The following KANSL1L variants were observed in gnomAD, a reference collection of about 807,000 sequenced individuals.
KANSL1L encodes KAT8 regulatory NSL complex subunit 1 like, also known as KAT8 regulatory NSL complex subunit 1-like protein.
KANSL1L carries 25 observed loss-of-function variants against 108.6 expected under a neutral mutation model. The observed-to-expected ratio is 0.23, with a 90% CI of 0.17 to 0.32. The LOEUF is 0.32. Ranked by LOEUF, KANSL1L falls within the 10% of genes least tolerant of loss-of-function variation. KANSL1L has a pLI of 1.00. For synonymous variants in KANSL1L, 405 were observed against 395.1 expected (o/e 1.03, Z -0.30); for missense variants, 1,137 against 1,125.7 (o/e 1.01, Z -0.14).
chr2:210,085,787 T>C (rs1226282181), intron 5 of KANSL1L, among the ~76,000 whole-genome samples: 2 of 151,506 alleles, frequency 1.3e-5, no homozygotes, highest in South Asian at 4.1e-4. Flanking sequence ...TTTTGTATAG[T>C]TACATGATAT....
rs1352933188 is a variant in KANSL1L at position 210,153,743 on chromosome 2, T to A, written c.840A>T (p.Thr280=). The A allele has an allele frequency of 6.2e-7, 1 of 1,607,866 alleles. No individual in the cohort carries two copies. The highest frequency in any genetic ancestry group is 1.3e-5 in the African/African-American group (1 of 74,612). ...PKMKTFHEPT[T]ILGNSLPKCT... ...ATTTAGGTAAACTATTACCCAAAATTGTGGTAGGTTCATGAAATGTCTTCA... is the reference window on the plus strand; with the variant it reads ...ATTTAGGTAAACTATTACCCAAAATAGTGGTAGGTTCATGAAATGTCTTCA... The change falls in exon 2 of 15, where the codon ACA becomes ACT. Residue 280 remains threonine (T), a synonymous_variant. Coordinates refer to ENST00000281772, the MANE Select transcript of KANSL1L (RefSeq NM_152519.4).
rs1190233205 is a variant in KANSL1L at position 210,022,410 on chromosome 2, A to G, written c.*539T>C. On this transcript the variant is annotated 3_prime_UTR_variant, in exon 15 of 15. Coordinates refer to ENST00000281772, the MANE Select transcript of KANSL1L (RefSeq NM_152519.4). ...TTATCTATTCTGCAGCTTACATTTC[A>G]TAGGGTAGTTCATACATGCATTTCC... is the stretch of plus-strand genomic sequence containing the variant. The G allele has an allele frequency of 6.5e-6, 1 of 153,252 alleles. No individual in the cohort carries two copies. Among genetic ancestry groups the G allele is most frequent in the Non-Finnish European group, 1.5e-5 (1 of 68,572 alleles). 9.5% of individuals were successfully genotyped at this position (153,252 alleles called of 1,614,324 possible). A position where few individuals can be genotyped will look rare whatever the true frequency, so the allele number is the denominator to read the frequency against.
chr2:210,084,619 T>TC lies in KANSL1L; in HGVS notation c.1551-8864dup, dbSNP rs1491388313. On this transcript the variant is annotated intron_variant, in intron 5 of 14. Coordinates refer to ENST00000281772, the MANE Select transcript of KANSL1L (RefSeq NM_152519.4). ...GCAATATAGTGATTTCTTTTTTTTTTCTCTCTCTTTTTTGAGACACAGTCT... is the reference window on the plus strand; with the variant it reads ...GCAATATAGTGATTTCTTTTTTTTTTCCTCTCTCTTTTTTGAGACACAGTCT... Among the ~76,000 whole-genome samples, 9 of 151,726 alleles carry TC rather than the reference T, an allele frequency of 5.9e-5. No homozygotes were observed. In the Admixed American group the frequency reaches 5.9e-4, roughly 10 times the overall value.
chr2:210,142,721 T>A (rs1402543997), intron 2 of KANSL1L, among the ~76,000 whole-genome samples: 1 of 152,150 alleles, frequency 6.6e-6, no homozygotes, highest in East Asian at 1.9e-4. Flanking sequence ...TAGTCATTAA[T>A]CCATTGGCTT....
chr2:210,117,892 G>A (rs916627978), intron 3 of KANSL1L, among the ~76,000 whole-genome samples: 8 of 152,146 alleles, frequency 5.3e-5, no homozygotes, highest in African/African-American at 1.2e-4. Flanking sequence ...GGCCAGGCAC[G>A]ACGGCTCATG....
chr2:210,061,100 T>C (rs967603019), intron 6 of KANSL1L, among the ~76,000 whole-genome samples: 15 of 152,358 alleles, frequency 9.8e-5, no homozygotes, highest in African/African-American at 3.6e-4. Flanking sequence ...ATCTAAGTGA[T>C]TGAATACACT....
At chr2:210,046,602 T>C (rs1390929710) in intron 6 of KANSL1L, among the ~76,000 whole-genome samples, 1 of 152,028 alleles carries the variant, frequency 6.6e-6, no homozygotes, top group Non-Finnish European at 1.5e-5. Context: ...CAGAATAACC[T>C]TCTTCTGCTT....
At chr2:210,038,806 G>C (rs1342510705) in intron 8 of KANSL1L, among the ~76,000 whole-genome samples, 2 of 151,830 alleles carry the variant, frequency 1.3e-5, no homozygotes. Context: ...TTGAATTCTG[G>C]CTCTTTTATT....
At chr2:210,152,170 T>G (rs2095308321) in intron 2 of KANSL1L, 1 of 152,204 alleles carries the variant, frequency 6.6e-6, no homozygotes, top group South Asian at 2.1e-4. Context: ...GTTGTGCCCC[T>G]GTATGTATCC....
At position 210,043,988 on chromosome 2, in the gene KANSL1L, A is replaced by G. The variant is rs750611843; in HGVS notation, c.1872T>C (p.His624=). ...HNSESYLLRE[H]VSELDSSFHS... is the part of the protein sequence containing the mutation. The stretch of plus-strand genomic sequence containing the variant: ...GGAAAGAGGAATCTAACTCTGATAC[A>G]TGTTCTCTTAATAGGTAAGACTCCG... Residue 624 remains histidine, a synonymous_variant, in exon 7 of 15, where the codon CAT becomes CAC. Transcript: ENST00000281772. 3 of 1,607,192 alleles carry G rather than the reference A, an allele frequency of 1.9e-6. No homozygotes were observed. Among genetic ancestry groups the G allele is most frequent in the African/African-American group, 1.3e-5 (1 of 74,740 alleles).
intron 2 of KANSL1L, among the ~76,000 whole-genome samples, chr2:210,141,209 T>TTTCTTTCCTTTTTCTC (rs1230793207): frequency 2.7e-5 from 4 of 150,528 alleles, no homozygotes; most frequent in Admixed American, 2.6e-4. Context: ...TCTTTTTTCT[T>TTTCTTTCCTTTTTCTC]TTCTTTCCTT....
chr2:210,024,503 G>T (rs758541884), intron 13 of KANSL1L, among the ~76,000 whole-genome samples: 61 of 152,082 alleles, frequency 4.0e-4, no homozygotes, highest in Non-Finnish European at 1.9e-4. Flanking sequence ...CTTAACTAAA[G>T]TGACTACCAG....
intron 9 of KANSL1L, chr2:210,031,179 G>C: frequency 5.5e-6 from 2 of 363,818 alleles, no homozygotes; most frequent in Non-Finnish European, 9.9e-6. Flanking sequence ...CTGATTGGTA[G>C]AAGACAACTA....
chr2:210,079,644 A>ATATATATATATATATG (rs2094570002), intron 5 of KANSL1L, among the ~76,000 whole-genome samples: 3 of 8,978 alleles, frequency 3.3e-4, no homozygotes, highest in African/African-American at 5.9e-4. Context: ...ATATATATAT[A>ATATATATATATATATG]TATATATATA....
chr2:210,032,436 AC>A (rs1268829174), intron 8 of KANSL1L: 4 of 152,246 alleles, frequency 2.6e-5, no homozygotes, highest in Admixed American at 2.6e-4. Context: ...TGAAGAGGAA[AC>A]CCAGAGCAGA....
chr2:210,129,226 A>G (rs2095097741), intron 2 of KANSL1L, 54 bp from the exon 3 acceptor site: 1 of 1,473,966 alleles, frequency 6.8e-7, no homozygotes, highest in South Asian at 1.4e-5. Flanking sequence ...CAAGTTTCAC[A>G]AACACTGCTT....
At chr2:210,054,795 G>C (rs2125242935) in intron 6 of KANSL1L, among the ~76,000 whole-genome samples, 1 of 151,244 alleles carries the variant, frequency 6.6e-6, no homozygotes, top group East Asian at 1.9e-4. Context: ...GGAAGGGAAG[G>C]GGGAAAGGAA....
chr2:210,148,404 G>A (rs1050373224), intron 2 of KANSL1L, among the ~76,000 whole-genome samples: 14 of 152,104 alleles, frequency 9.2e-5, no homozygotes, highest in Non-Finnish European at 1.0e-4. Context: ...GCCAACTTTT[G>A]TCAGCGACTC....
rs764337490 is a variant in KANSL1L, at chr2:210,029,844, A to C, written c.2230T>G (p.Ser744Ala). Residue 744 changes from serine to alanine, a missense_variant, in exon 10 of 15, where the codon TCC becomes GCC. This residue lies in a region of KANSL1L where 575 missense variants were observed against 567.1 expected (regional missense o/e 1.01). Coordinates refer to ENST00000281772, the MANE Select transcript of KANSL1L (RefSeq NM_152519.4). ...SGSHSNFTAV[S>A]NVNVLSRIQN... ...ATTCTTGATAAAACGTTGACATTGG[A>C]AACAGCAGTAAAATTGCTATGGGAT... is the stretch of plus-strand genomic sequence containing the variant. 4 of 1,607,012 alleles carry C rather than the reference A, an allele frequency of 2.5e-6. No homozygotes were observed. The Admixed American group carries it at 6.7e-5, about 27-fold the overall frequency.
Sources: allele counts gnomAD v4.1 joint callset (sites outside exome capture counted in the v4.1 genomes callset), GRCh38; gene constraint gnomAD v4.1.1; regional missense constraint gnomAD v4.1.1; transcripts MANE v1.5; gene names NCBI Gene and HGNC (gene_info 2026-07-23, HGNC 2026-07-21).